Variants in FLNB observed in about 807,000 individuals in gnomAD.
FLNB encodes the protein filamin B, also known as filamin-B.
In FLNB, 111 loss-of-function variants were observed where a neutral mutation model predicts 250.6. The observed-to-expected ratio is 0.44, with a 90% CI of 0.38 to 0.52. The LOEUF (loss-of-function observed/expected upper bound fraction) is 0.52, where lower values mean the gene tolerates loss of function less well. Ranked by LOEUF, FLNB falls within the 20% of genes least tolerant of loss-of-function variation. FLNB has a pLI of 0.00. For synonymous variants in FLNB, 1,302 were observed against 1,372.1 expected (o/e 0.95, Z 1.13); for missense variants, 2,869 against 3,447.8 (o/e 0.83, Z 4.20).
At chr3:58,092,707 A>G (rs2097230118) in intron 4 of FLNB, among the ~76,000 whole-genome samples, 1 of 152,116 alleles carries the variant, frequency 6.6e-6, no homozygotes, top group Non-Finnish European at 1.5e-5. Context: ...TGGCCCAACA[A>G]TTGCACTCCT....
At chr3:58,045,148 T>C (rs1246981373) in intron 1 of FLNB, among the ~76,000 whole-genome samples, 1 of 152,200 alleles carries the variant, frequency 6.6e-6, no homozygotes, top group African/African-American at 2.4e-5. Context: ...TCATAGGTCA[T>C]GGGTTGGCTC....
intron 1 of FLNB, among the ~76,000 whole-genome samples, chr3:58,023,745 C>T (rs886185449): frequency 6.6e-6 from 1 of 152,158 alleles, no homozygotes; most frequent in African/African-American, 2.4e-5. Context: ...TTGCAAGTCT[C>T]CCTTGGTCTA....
At chr3:58,134,466 T>C in intron 26 of FLNB, 150 bp from the exon 27 acceptor site, 2 of 905,292 alleles carry the variant, frequency 2.2e-6, no homozygotes, top group Non-Finnish European at 3.7e-6. Flanking sequence ...TGTAAATTTC[T>C]GCTAGACTTA....
intron 45 of FLNB, 100 bp from the exon 46 acceptor site, chr3:58,170,475 C>T: frequency 8.3e-7 from 1 of 1,203,278 alleles, no homozygotes; most frequent in Admixed American, 2.0e-5. Flanking sequence ...GGGGCCCCAG[C>T]ATTATCGTGG....
chr3:58,069,232 C>CTTT (rs59689498), intron 1 of FLNB, among the ~76,000 whole-genome samples: 76 of 86,356 alleles, frequency 8.8e-4, no homozygotes, highest in African/African-American at 1.1e-3. Context: ...TAGTTCAATT[C>CTTT]TTTTTTTTTT....
At chr3:58,115,507 C>G (rs2097276407) in intron 18 of FLNB, among the ~76,000 whole-genome samples, 1 of 152,200 alleles carries the variant, frequency 6.6e-6, no homozygotes, top group Non-Finnish European at 1.5e-5. Context: ...CCAGACGTCC[C>G]CTGCTGCTGG....
intron 3 of FLNB, 147 bp from the exon 4 acceptor site, chr3:58,081,482 G>A (rs930295774): frequency 4.9e-5 from 42 of 852,898 alleles, no homozygotes; most frequent in Non-Finnish European, 7.7e-5. Context: ...TGATATTGGT[G>A]TGTTGGTTTA....
intron 18 of FLNB, among the ~76,000 whole-genome samples, chr3:58,117,268 A>C (rs2107150287): frequency 6.6e-6 from 1 of 152,132 alleles, no homozygotes; most frequent in South Asian, 2.1e-4. Flanking sequence ...TGTAGGTGTA[A>C]ATCTCCGAGA....
intron 1 of FLNB, among the ~76,000 whole-genome samples, chr3:58,023,005 G>T (rs1287646212): frequency 6.6e-6 from 1 of 151,272 alleles, no homozygotes; most frequent in Non-Finnish European, 1.5e-5. Flanking sequence ...TAGTAGAGAC[G>T]GGGTTTCACC....
intron 5 of FLNB, 151 bp downstream of exon 5, chr3:58,095,105 G>A (rs2107042693): frequency 1.4e-6 from 1 of 705,488 alleles, no homozygotes; most frequent in East Asian, 2.6e-5. Flanking sequence ...AGCTGTTAAA[G>A]TAACCTGCCC....
intron 4 of FLNB, among the ~76,000 whole-genome samples, chr3:58,093,013 T>C (rs578017678): frequency 1.3e-5 from 2 of 152,274 alleles, no homozygotes; most frequent in South Asian, 4.1e-4. Flanking sequence ...TGCCCCTGAC[T>C]TCAGAGGCCA....
chr3:58,016,957 G>A (rs2097106645), intron 1 of FLNB, among the ~76,000 whole-genome samples: 1 of 152,200 alleles, frequency 6.6e-6, no homozygotes, highest in East Asian at 1.9e-4. Flanking sequence ...AACGGGCACA[G>A]TAATCCCTAA....
intron 2 of FLNB, chr3:58,078,471 A>G: frequency 6.5e-7 from 1 of 1,536,152 alleles, no homozygotes; most frequent in Non-Finnish European, 8.7e-7. Context: ...CAAGGAATGG[A>G]TAATCCCCAT....
chr3:58,054,689 C>G (rs1414401120), intron 1 of FLNB, among the ~76,000 whole-genome samples: 1 of 152,106 alleles, frequency 6.6e-6, no homozygotes, highest in Non-Finnish European at 1.5e-5. Flanking sequence ...CACCAGGTCC[C>G]TCCAATGACC....
At chr3:58,024,447 C>A (rs935740665) in intron 1 of FLNB, among the ~76,000 whole-genome samples, 6 of 152,164 alleles carry the variant, frequency 3.9e-5, no homozygotes, top group African/African-American at 1.2e-4. Flanking sequence ...TCCTTTCTCT[C>A]TTCTCCTTTC....
chr3:58,014,689 T>C (rs1245916035), intron 1 of FLNB, among the ~76,000 whole-genome samples: 2 of 152,068 alleles, frequency 1.3e-5, no homozygotes, highest in African/African-American at 2.4e-5. Flanking sequence ...AGGCCCTGCC[T>C]CCAGTAGCTC....
At chr3:58,069,385 T>A (rs1454113112) in intron 1 of FLNB, among the ~76,000 whole-genome samples, 1 of 151,702 alleles carries the variant, frequency 6.6e-6, no homozygotes, top group Admixed American at 6.6e-5. Flanking sequence ...GATTACAAGG[T>A]GCCCACCGCC....
Position 58,008,482 on chromosome 3 carries a change from C to T in FLNB, c.-83C>T. 2 of 1,477,286 alleles carry T rather than the reference C, an allele frequency of 1.4e-6. No individual in the cohort carries two copies. The highest frequency in any genetic ancestry group is 1.8e-6 in the Non-Finnish European group (2 of 1,081,902). 91.5% of individuals were successfully genotyped at this position (1,477,286 alleles called of 1,614,324 possible). A position where few individuals can be genotyped will look rare whatever the true frequency, so the allele number is the denominator to read the frequency against. ...TTCGAACCCCGCTCCCGCTCCGCTTCGGTTCTCGCTCCTTCGGCCCTTGGG... is the reference window on the plus strand; with the variant it reads ...TTCGAACCCCGCTCCCGCTCCGCTTTGGTTCTCGCTCCTTCGGCCCTTGGG... On this transcript the variant is annotated 5_prime_UTR_variant, in exon 1 of 46. Transcript: ENST00000295956.
chr3:58,074,838 T>A (rs1458436840), intron 1 of FLNB, among the ~76,000 whole-genome samples: 1 of 152,170 alleles, frequency 6.6e-6, no homozygotes, highest in African/African-American at 2.4e-5. Flanking sequence ...TAACTTTGAG[T>A]GAGGATTGCT....
Sources: gnomAD v4.1 joint callset for allele counts (sites outside exome capture counted in the v4.1 genomes callset) on GRCh38, gnomAD v4.1.1 for gene constraint, MANE v1.5 for transcripts, NCBI Gene and HGNC (gene_info 2026-07-23, HGNC 2026-07-21) for gene names.